The following GANC variants were observed in gnomAD, a reference collection of about 807,000 sequenced individuals.
GANC encodes glucosidase alpha, neutral C.
GANC carries 117 observed loss-of-function variants against 124.2 expected under a neutral mutation model. That is an observed-to-expected ratio of 0.94 (90% CI 0.81 to 1.10). The LOEUF (loss-of-function observed/expected upper bound fraction) is 1.10, where lower values mean the gene tolerates loss of function less well. GANC is among the 50% of genes least tolerant of loss of function. The pLI, the probability that GANC is intolerant of heterozygous loss-of-function variation, is 0.00. For synonymous variants in GANC, 377 were observed against 376.8 expected, an observed-to-expected ratio of 1.00 and a Z score of -0.01; for missense variants, 1,140 against 1,095.0, an observed-to-expected ratio of 1.04 and a Z score of -0.58.
intron 18 of GANC, among the ~76,000 whole-genome samples, chr15:42,340,975 A>G (rs778328011): frequency 1.3e-5 from 2 of 151,922 alleles, no homozygotes; most frequent in African/African-American, 4.8e-5. Flanking sequence ...CATCTTGGCC[A>G]GGCTGGTCTT....
chr15:42,287,566 ATTG>A (rs1386751416), intron 3 of GANC, 122 bp from the exon 4 acceptor site: 36 of 943,666 alleles, frequency 3.8e-5, no homozygotes, highest in Middle Eastern at 2.8e-4. Flanking sequence ...TTTAATTGCC[ATTG>A]TTCTCCAATT....
chr15:42,313,789 T>C, intron 10 of GANC: 1 of 440,374 alleles, frequency 2.3e-6, no homozygotes, highest in East Asian at 4.5e-5. Context: ...TGACATGGGC[T>C]GGGCACAGTG....
intron 10 of GANC, chr15:42,314,242 T>A: frequency 1.4e-6 from 1 of 705,108 alleles, no homozygotes; most frequent in African/African-American, 1.8e-5. Context: ...AGCACGTAGC[T>A]ACCCAGCATG....
At chr15:42,346,390 G>C (rs553810580) in intron 20 of GANC, among the ~76,000 whole-genome samples, 1 of 152,264 alleles carries the variant, frequency 6.6e-6, no homozygotes, top group Non-Finnish European at 1.5e-5. Flanking sequence ...CTGTAAACTG[G>C]TCCAGGGTTT....
intron 17 of GANC, 128 bp from the exon 18 acceptor site, chr15:42,340,562 C>T: frequency 1.5e-6 from 1 of 688,656 alleles, no homozygotes; most frequent in Non-Finnish European, 2.4e-6. Context: ...CAAGATAGCA[C>T]CACGGCATTC....
Position 42,340,676 on chromosome 15 carries a change from T to A in GANC, c.2088-14T>A. ...TCTATAATGTTAAAACAATAATTTT[T>A]TTTCTTTCCCCAGGCCTCTGTGGGT... On this transcript the variant is annotated splice_polypyrimidine_tract_variant and intron_variant, in intron 17 of 23. Transcript: ENST00000318010. The A allele has an allele frequency of 6.3e-7, 1 of 1,578,790 alleles. No individual in the cohort carries two copies. The highest frequency in any genetic ancestry group is 1.4e-5 in the African/African-American group (1 of 72,832).
At chr15:42,279,690 C>T (rs2051712249) in intron 3 of GANC, among the ~76,000 whole-genome samples, 1 of 152,164 alleles carries the variant, frequency 6.6e-6, no homozygotes, top group South Asian at 2.1e-4. Context: ...TCTAAGGCCT[C>T]TGAGACCAAT....
chr15:42,285,357 G>T (rs929589803), intron 3 of GANC, among the ~76,000 whole-genome samples: 2 of 152,072 alleles, frequency 1.3e-5, no homozygotes, highest in Non-Finnish European at 2.9e-5. Flanking sequence ...TAACCCAAGT[G>T]GCTTTACTTA....
At chr15:42,307,591 C>T (rs1566954317) in intron 7 of GANC, among the ~76,000 whole-genome samples, 1 of 152,198 alleles carries the variant, frequency 6.6e-6, no homozygotes, top group Non-Finnish European at 1.5e-5. Flanking sequence ...TTAACCTAAG[C>T]ATAAATTAAA....
intron 10 of GANC, among the ~76,000 whole-genome samples, chr15:42,315,726 A>C (rs2052095704): frequency 6.6e-6 from 1 of 152,188 alleles, no homozygotes; most frequent in African/African-American, 2.4e-5. Context: ...TTAACATTTA[A>C]GTCAGTAGAC....
At chr15:42,296,378 G>C (rs2051891335) in intron 5 of GANC, among the ~76,000 whole-genome samples, 1 of 151,954 alleles carries the variant, frequency 6.6e-6, no homozygotes. Context: ...GATTTGGTTT[G>C]GTTTAGTTTA....
Position 42,313,973 on chromosome 15 carries a change from C to CAACAACAACAAT in GANC, c.1057+3132_1057+3133insCAACAATAACAA, listed in dbSNP as rs1195765190. 466 of 660,508 alleles carry CAACAACAACAAT rather than the reference C, an allele frequency of 7.1e-4. 2 individuals carry two copies. The East Asian group carries it at 0.012, about 18-fold the overall frequency. 40.9% of individuals were successfully genotyped at this position (660,508 alleles called of 1,614,324 possible). ...TCTCTAAAAACAACAGCAACAACAACAACAAAATTAATGTAATAGTGACAT... is the reference window on the plus strand; with the variant it reads ...TCTCTAAAAACAACAGCAACAACAACAACAACAACAATAACAAAATTAATGTAATAGTGACAT... On this transcript the variant is annotated intron_variant, in intron 10 of 23. Coordinates refer to ENST00000318010, the MANE Select transcript of GANC (RefSeq NM_198141.3).
At chr15:42,312,909 C>T (rs1229770244) in intron 10 of GANC, among the ~76,000 whole-genome samples, 1 of 148,588 alleles carries the variant, frequency 6.7e-6, no homozygotes, top group Non-Finnish European at 1.5e-5. Context: ...CACTGCACTC[C>T]AGCCTGGGTG....
chr15:42,340,216 T>C (rs2052319106), intron 17 of GANC, among the ~76,000 whole-genome samples: 2 of 152,238 alleles, frequency 1.3e-5, no homozygotes, highest in South Asian at 4.1e-4. Flanking sequence ...GTATTTAACC[T>C]ATCAGTATCT....
At chr15:42,279,057 G>A (rs1039488400) in intron 3 of GANC, among the ~76,000 whole-genome samples, 1 of 152,156 alleles carries the variant, frequency 6.6e-6, no homozygotes, top group African/African-American at 2.4e-5. Flanking sequence ...TAATAATATT[G>A]TAATAGGTAT....
rs2141009085 is a variant in GANC, at chr15:42,276,223, T to A, written c.30-125T>A. The A allele has an allele frequency of 1.1e-5, 7 of 609,016 alleles. No individual in the cohort carries two copies. In the East Asian group the frequency reaches 2.1e-4, roughly 18 times the overall value. 37.7% of individuals were successfully genotyped at this position (609,016 alleles called of 1,614,324 possible). A position where few individuals can be genotyped will look rare whatever the true frequency, so the allele number is the denominator to read the frequency against. On this transcript the variant is annotated intron_variant, in intron 1 of 23. Transcript: ENST00000318010. ...ATGTTATACTGTGGCCGTGACACAA[T>A]TTTGCATTGCAGAATAGACTCCAAA...
intron 15 of GANC, among the ~76,000 whole-genome samples, chr15:42,332,328 CA>C (rs929632451): frequency 5.3e-5 from 8 of 151,128 alleles, no homozygotes; most frequent in East Asian, 3.9e-4. Flanking sequence ...TTTTTAATCA[CA>C]AAAAAAAGTA....
At chr15:42,298,530 G>T (rs2051913421) in intron 6 of GANC, among the ~76,000 whole-genome samples, 1 of 152,130 alleles carries the variant, frequency 6.6e-6, no homozygotes, top group Non-Finnish European at 1.5e-5. Context: ...GAAAACTCTG[G>T]AACGGTTCTA....
At position 42,327,242 on chromosome 15, in the gene GANC, A is replaced by G. The variant is rs530329423; in HGVS notation, c.1421-121A>G. ...TCAACAGACCATGCCTCTGTCAGCC[A>G]ACTTTCGTGTTTATGTAAGGTGCCC... On this transcript the variant is annotated intron_variant, in intron 12 of 23. Coordinates refer to ENST00000318010, the MANE Select transcript of GANC (RefSeq NM_198141.3). 32 of 681,066 alleles carry G rather than the reference A, an allele frequency of 4.7e-5. No individual in the cohort carries two copies. The East Asian group carries it at 6.8e-4, about 15-fold the overall frequency. 42.2% of individuals were successfully genotyped at this position (681,066 alleles called of 1,614,324 possible).
Sources: allele counts gnomAD v4.1 joint callset (sites outside exome capture counted in the v4.1 genomes callset), GRCh38; gene constraint gnomAD v4.1.1; transcripts MANE v1.5; gene names NCBI Gene and HGNC (gene_info 2026-07-23, HGNC 2026-07-21).